RPRD2: variants seen among roughly 807,000 people sequenced by gnomAD.
The protein encoded by RPRD2 is regulation of nuclear pre-mRNA domain-containing protein 2.
Under a neutral mutation model 104.4 loss-of-function variants are expected in RPRD2, and 12 were observed. That is an observed-to-expected ratio of 0.11 (90% CI 0.07 to 0.19). RPRD2 has a LOEUF of 0.19. Among genes scored for constraint, RPRD2 ranks in the 10% least tolerant of loss-of-function variants. The pLI, the probability that RPRD2 is intolerant of heterozygous loss-of-function variation, is 1.00. For synonymous variants in RPRD2, 714 were observed against 684.9 expected (o/e 1.04, Z -0.66); for missense variants, 1,543 against 1,790.1 (o/e 0.86, Z 2.49).
At chr1:150,429,241 C>T (rs1297493217) in intron 2 of RPRD2, among the ~76,000 whole-genome samples, 2 of 151,918 alleles carry the variant, frequency 1.3e-5, no homozygotes, top group South Asian at 2.1e-4. Context: ...TACAGGCATG[C>T]GCCACCACGC....
intron 1 of RPRD2, among the ~76,000 whole-genome samples, chr1:150,367,492 A>G (rs1553877345): frequency 6.6e-6 from 1 of 151,842 alleles, no homozygotes; most frequent in African/African-American, 2.4e-5. Flanking sequence ...CTTTCTGTCC[A>G]TTTTCCTGAT....
intron 1 of RPRD2, among the ~76,000 whole-genome samples, chr1:150,403,575 A>G (rs782232864): frequency 2.0e-5 from 3 of 152,140 alleles, no homozygotes; most frequent in Non-Finnish European, 4.4e-5. Flanking sequence ...GTTCATCCAT[A>G]TTATGGCGTA....
In RPRD2 at chr1:150,475,720, A is replaced by G. The variant is rs1430851313; in HGVS notation, c.*2386A>G. On this transcript the variant is annotated 3_prime_UTR_variant, in exon 11 of 11. Coordinates refer to ENST00000369068, the MANE Select transcript of RPRD2 (RefSeq NM_015203.5). ...AGTAAATGAAGATGACAGTGTGTAT[A>G]TATGTGATAAATAGTGAAACAGAAA... 1 of 152,620 alleles carries G rather than the reference A, an allele frequency of 6.6e-6. No homozygotes were observed. The highest frequency in any genetic ancestry group is 1.5e-5 in the Non-Finnish European group (1 of 68,030). The allele number at this position is 152,620 out of a possible 1,614,324, so 9.5% of individuals were successfully genotyped here.
intron 2 of RPRD2, among the ~76,000 whole-genome samples, chr1:150,437,997 A>T (rs1181801214): frequency 2.7e-5 from 4 of 146,860 alleles, no homozygotes; most frequent in East Asian, 2.0e-4. Flanking sequence ...AAAAAAAAAA[A>T]GTTGAGCCAG....
chr1:150,465,632 G>C (rs1668212937), intron 10 of RPRD2, among the ~76,000 whole-genome samples: 1 of 152,120 alleles, frequency 6.6e-6, no homozygotes, highest in African/African-American at 2.4e-5. Flanking sequence ...CTGGAGTTCA[G>C]TATTCTTTCA....
At chr1:150,369,590 G>A (rs1358150370) in intron 1 of RPRD2, among the ~76,000 whole-genome samples, 3 of 146,556 alleles carry the variant, frequency 2.0e-5, no homozygotes, top group Admixed American at 1.4e-4. Context: ...CCGAGCAGCT[G>A]GGACTACAGG....
chr1:150,464,301 G>A (rs372587275), intron 9 of RPRD2, among the ~76,000 whole-genome samples: 13 of 151,286 alleles, frequency 8.6e-5, no homozygotes, highest in Non-Finnish European at 1.3e-4. Flanking sequence ...GAGCCACCTC[G>A]CCCGGCCAAT....
chr1:150,406,648 C>G (rs1553886565), intron 1 of RPRD2, among the ~76,000 whole-genome samples: 1 of 152,166 alleles, frequency 6.6e-6, no homozygotes, highest in African/African-American at 2.4e-5. Context: ...ATCCTCCTGC[C>G]TAGGCCTCCA....
intron 8 of RPRD2, among the ~76,000 whole-genome samples, chr1:150,459,408 C>T (rs1667768069): frequency 6.6e-6 from 1 of 152,038 alleles, no homozygotes; most frequent in South Asian, 2.1e-4. Context: ...AGAAAGTTCT[C>T]AGGTTAATGG....
intron 4 of RPRD2, among the ~76,000 whole-genome samples, chr1:150,442,894 C>CT (rs1389243897): frequency 6.6e-6 from 1 of 151,558 alleles, no homozygotes; most frequent in African/African-American, 2.4e-5. Flanking sequence ...CCTGAACACT[C>CT]TTAATTTGAG....
chr1:150,457,707 A>G, intron 8 of RPRD2, 137 bp downstream of exon 8: 2 of 778,658 alleles, frequency 2.6e-6, no homozygotes, highest in Non-Finnish European at 4.3e-6. Context: ...TATAATCTCT[A>G]GAGCAGTTGT....
chr1:150,450,429 A>G (rs1572501676), intron 7 of RPRD2, among the ~76,000 whole-genome samples: 1 of 150,830 alleles, frequency 6.6e-6, no homozygotes, highest in African/African-American at 2.4e-5. Context: ...ACACGGTGAA[A>G]CCCCGTCTCT....
At chr1:150,443,163 TA>T in intron 4 of RPRD2, 67 bp from the exon 5 acceptor site, 1 of 1,152,314 alleles carries the variant, frequency 8.7e-7, no homozygotes, top group Non-Finnish European at 1.3e-6. Flanking sequence ...ACTATAGAGC[TA>T]AAATTTTTCC....
At chr1:150,370,922 G>A (rs1660251348) in intron 1 of RPRD2, among the ~76,000 whole-genome samples, 1 of 152,106 alleles carries the variant, frequency 6.6e-6, no homozygotes, top group Non-Finnish European at 1.5e-5. Context: ...GAAGGGTAAT[G>A]ACACACCACC....
At chr1:150,419,395 TAAAAG>T (rs1396922785) in intron 2 of RPRD2, among the ~76,000 whole-genome samples, 2 of 152,146 alleles carry the variant, frequency 1.3e-5, no homozygotes, top group African/African-American at 4.8e-5. Context: ...AAATAAGAAA[TAAAAG>T]AACTGACTGA....
At chr1:150,426,498 A>G (rs1046338946) in intron 2 of RPRD2, among the ~76,000 whole-genome samples, 5 of 152,236 alleles carry the variant, frequency 3.3e-5, no homozygotes, top group African/African-American at 4.8e-5. Context: ...TATGTAAAGC[A>G]TTATAAAGGA....
chr1:150,399,385 C>G (rs61817507), intron 1 of RPRD2, among the ~76,000 whole-genome samples: 6 of 152,082 alleles, frequency 3.9e-5, no homozygotes, highest in Admixed American at 2.0e-4. Context: ...AAATGGGTAT[C>G]CAATTGTTCG....
intron 2 of RPRD2, among the ~76,000 whole-genome samples, chr1:150,428,848 C>T (rs1665353060): frequency 6.6e-6 from 1 of 152,244 alleles, no homozygotes; most frequent in Non-Finnish European, 1.5e-5. Flanking sequence ...CAACTTTCCC[C>T]TTTAAAATAA....
rs146797880 is a variant in RPRD2, at chr1:150,440,332, C to T, written c.336-591C>T. Among the ~76,000 whole-genome samples the T allele has an allele frequency of 4.0e-3, 604 of 152,182 alleles. 5 individuals are homozygous for T. Among genetic ancestry groups the T allele is most frequent in the African/African-American group, 0.014 (579 of 41,510 alleles). ...ATCCATCCACCTCGGCCTCCCAAAG[C>T]GCTGGGATTACAGGCGTGAGCCACT... On this transcript the variant is annotated intron_variant, in intron 2 of 10. Coordinates refer to ENST00000369068, the MANE Select transcript of RPRD2 (RefSeq NM_015203.5).
Sources: gnomAD v4.1 joint callset for allele counts (sites outside exome capture counted in the v4.1 genomes callset) on GRCh38, gnomAD v4.1.1 for gene constraint, MANE v1.5 for transcripts, NCBI Gene and HGNC (gene_info 2026-07-23, HGNC 2026-07-21) for gene names.